The following PARD3B variants were observed in gnomAD, a reference collection of about 807,000 sequenced individuals.
PARD3B encodes partitioning defective 3 homolog B.
A neutral mutation model predicts 130.2 loss-of-function variants in PARD3B; 103 were observed. That is an observed-to-expected ratio of 0.79 (90% CI 0.67 to 0.93). The LOEUF is 0.93. Among genes scored for constraint, PARD3B ranks in the 40% least tolerant of loss-of-function variants. PARD3B has a pLI of 0.00. For missense variants in PARD3B, 1,609 were observed against 1,499.2 expected (o/e 1.07, Z -1.21); for synonymous variants, 583 against 553.2 (o/e 1.05, Z -0.76).
rs190572833 is a variant in PARD3B at position 204,971,207 on chromosome 2, C to T, written c.394+5884C>T. Reference sequence around the variant, plus strand: ...TTTATGGCGCTGATCTTCAGGAAAACGTAAAGAAAGGGGAAGTTTATTCCT... The same window carrying T: ...TTTATGGCGCTGATCTTCAGGAAAATGTAAAGAAAGGGGAAGTTTATTCCT... On this transcript the variant is annotated intron_variant, in intron 3 of 22. Transcript: ENST00000406610. 2.1e-3 allele frequency among the ~76,000 whole-genome samples: 321 copies of T among 152,212 alleles called. 3 individuals are homozygous for T. The highest frequency in any genetic ancestry group is 7.4e-3 in the African/African-American group (307 of 41,506).
intron 22 of PARD3B, among the ~76,000 whole-genome samples, chr2:205,559,806 C>G (rs899318967): frequency 4.6e-5 from 7 of 151,988 alleles, no homozygotes; most frequent in African/African-American, 1.7e-4. Flanking sequence ...ACCATGTTGG[C>G]CAGGGTGGTC....
intron 2 of PARD3B, among the ~76,000 whole-genome samples, chr2:204,739,047 T>C (rs2039882316): frequency 6.6e-6 from 1 of 152,186 alleles, no homozygotes; most frequent in Non-Finnish European, 1.5e-5. Context: ...GTTTCTACTT[T>C]GGTTTTTGGG....
chr2:204,650,274 A>G (rs1183896010), intron 1 of PARD3B, among the ~76,000 whole-genome samples: 1 of 152,186 alleles, frequency 6.6e-6, no homozygotes, highest in Non-Finnish European at 1.5e-5. Flanking sequence ...TGTGGAAAAA[A>G]GGGAACACTT....
At chr2:204,782,811 T>A (rs943482309) in intron 2 of PARD3B, among the ~76,000 whole-genome samples, 1 of 152,114 alleles carries the variant, frequency 6.6e-6, no homozygotes, top group African/African-American at 2.4e-5. Flanking sequence ...TAAGTATGGC[T>A]GTTTCTAATG....
intron 4 of PARD3B, among the ~76,000 whole-genome samples, chr2:205,064,511 C>A (rs1700244375): frequency 6.6e-6 from 1 of 152,172 alleles, no homozygotes; most frequent in Admixed American, 6.6e-5. Context: ...TTTACCCAAG[C>A]TATGGCACTT....
intron 4 of PARD3B, among the ~76,000 whole-genome samples, chr2:205,059,990 C>T (rs60865743): frequency 0.11 from 17,134 of 151,982 alleles, 985 homozygotes; most frequent in African/African-American, 0.12. Flanking sequence ...ATTTTACAGA[C>T]GACGAAGTTC....
intron 5 of PARD3B, among the ~76,000 whole-genome samples, chr2:205,106,018 A>G (rs949383037): frequency 6.6e-6 from 1 of 152,098 alleles, no homozygotes. Flanking sequence ...TGTGAATAGC[A>G]TCATAGAGTC....
At chr2:205,200,736 A>G (rs1274008151) in intron 15 of PARD3B, among the ~76,000 whole-genome samples, 2 of 152,250 alleles carry the variant, frequency 1.3e-5, no homozygotes, top group African/African-American at 4.8e-5. Context: ...TTCACATGAT[A>G]GAGATTCAAA....
chr2:204,746,509 G>T (rs1574877185), intron 2 of PARD3B, among the ~76,000 whole-genome samples: 1 of 152,128 alleles, frequency 6.6e-6, no homozygotes, highest in South Asian at 2.1e-4. Context: ...TAATGGGATG[G>T]CTGGGTCAAA....
At chr2:205,604,506 G>C (rs1466499279) in intron 22 of PARD3B, among the ~76,000 whole-genome samples, 1 of 152,144 alleles carries the variant, frequency 6.6e-6, no homozygotes, top group South Asian at 2.1e-4. Context: ...CACAACACTT[G>C]GGAATTCAAG....
At chr2:204,924,370 G>C (rs1483798175) in intron 2 of PARD3B, among the ~76,000 whole-genome samples, 2 of 151,998 alleles carry the variant, frequency 1.3e-5, no homozygotes, top group Non-Finnish European at 2.9e-5. Flanking sequence ...GCTGCTTGTA[G>C]CTTAATTCGA....
chr2:204,936,541 AATCCCATTGAAAAATAATATT>A (rs1316096326), intron 2 of PARD3B, among the ~76,000 whole-genome samples: 6 of 152,288 alleles, frequency 3.9e-5, no homozygotes, highest in African/African-American at 1.4e-4. Context: ...TCCTCATAAT[AATCCCATTGAAAAATAATATT>A]ATTGTCCTAC....
intron 4 of PARD3B, among the ~76,000 whole-genome samples, chr2:205,056,672 T>C (rs1297014420): frequency 6.6e-6 from 1 of 151,946 alleles, no homozygotes; most frequent in Non-Finnish European, 1.5e-5. Context: ...AGCCCTGATA[T>C]TTCTCAACAG....
chr2:205,599,209 A>C (rs2054687541), intron 22 of PARD3B, among the ~76,000 whole-genome samples: 1 of 152,214 alleles, frequency 6.6e-6, no homozygotes, highest in African/African-American at 2.4e-5. Context: ...AACCTCACTT[A>C]GTATTATAAA....
Position 204,946,520 on chromosome 2 carries a change from T to C in PARD3B, c.223-18632T>C, listed in dbSNP as rs141346486. On this transcript the variant is annotated intron_variant, in intron 2 of 22. Coordinates refer to ENST00000406610, the MANE Select transcript of PARD3B (RefSeq NM_001302769.2). ...ATCATTGACCATCTTACAACCTCTA[T>C]GTAATTGTAGGGAACACCGAGGAGA... 2.3e-3 allele frequency among the ~76,000 whole-genome samples: 355 copies of C among 152,310 alleles called. 2 individuals are homozygous for C. Among genetic ancestry groups the C allele is most frequent in the African/African-American group, 7.9e-3 (327 of 41,568 alleles).
chr2:204,661,050 A>C (rs2035793053), intron 1 of PARD3B, among the ~76,000 whole-genome samples: 1 of 152,202 alleles, frequency 6.6e-6, no homozygotes. Flanking sequence ...CCTACAAGTC[A>C]GGCCTCCTTT....
At chr2:205,110,929 T>A (rs1409306573) in intron 5 of PARD3B, among the ~76,000 whole-genome samples, 1 of 152,184 alleles carries the variant, frequency 6.6e-6, no homozygotes, top group African/African-American at 2.4e-5. Context: ...TCCTACTTGC[T>A]GTGTTTCTCT....
At chr2:204,932,478 G>A (rs1194921779) in intron 2 of PARD3B, among the ~76,000 whole-genome samples, 1 of 151,960 alleles carries the variant, frequency 6.6e-6, no homozygotes, top group Non-Finnish European at 1.5e-5. Flanking sequence ...CCTAAAGTAG[G>A]TGAAATCTAA....
chr2:204,925,156 A>G (rs1238721255), intron 2 of PARD3B, among the ~76,000 whole-genome samples: 5 of 152,092 alleles, frequency 3.3e-5, no homozygotes, highest in Admixed American at 6.6e-5. Context: ...GGGAAGGGTA[A>G]TCAATTATCT....
Sources: gnomAD v4.1 joint callset for allele counts (sites outside exome capture counted in the v4.1 genomes callset) on GRCh38, gnomAD v4.1.1 for gene constraint, MANE v1.5 for transcripts, NCBI Gene and HGNC (gene_info 2026-07-23, HGNC 2026-07-21) for gene names.